Variants in CFAP221 observed in about 807,000 individuals in gnomAD.
The protein encoded by CFAP221 is cilia and flagella associated protein 221.
In CFAP221, 97 loss-of-function variants were observed where a neutral mutation model predicts 113.1. That is an observed-to-expected ratio of 0.86 (90% CI 0.73 to 1.02). The LOEUF is 1.02. Among genes scored for constraint, CFAP221 ranks in the 50% least tolerant of loss-of-function variants. The pLI is 0.00. For synonymous variants in CFAP221, 331 were observed against 354.4 expected (o/e 0.93, Z 0.74); for missense variants, 1,025 against 1,013.4 (o/e 1.01, Z -0.16).
chr2:119,568,543 A>C (rs912717826), intron 6 of CFAP221, among the ~76,000 whole-genome samples: 1 of 151,068 alleles, frequency 6.6e-6, no homozygotes, highest in Non-Finnish European at 1.5e-5. Context: ...CCCTGTGTCC[A>C]TGTGTTTTCA....
downstream of CFAP221, chr2:119,660,286 A>G (rs1453722578): frequency 6.6e-6 from 1 of 152,238 alleles, no homozygotes; most frequent in East Asian, 1.9e-4. Context: ...ACCCGTTTCC[A>G]CCAAATCGAC....
intron 6 of CFAP221, 56 bp downstream of exon 6, chr2:119,562,170 C>A: frequency 9.0e-7 from 1 of 1,113,956 alleles, no homozygotes; most frequent in South Asian, 1.4e-5. Context: ...AAGAGATACT[C>A]ATACAAAACC....
Position 119,601,577 on chromosome 2 carries a change from A to G in CFAP221, c.791+200A>G, listed in dbSNP as rs1299400874. 13 of 486,262 alleles carry G rather than the reference A, an allele frequency of 2.7e-5. No homozygotes were observed. The East Asian group carries it at 4.0e-4, about 15-fold the overall frequency. The allele number at this position is 486,262 out of a possible 1,614,324, so 30.1% of individuals were successfully genotyped here. On this transcript the variant is annotated intron_variant, in intron 8 of 23. Coordinates refer to ENST00000413369, the MANE Select transcript of CFAP221 (RefSeq NM_001271049.2). ...CTAGTAGCAAGAGTTGCTTCTGACA[A>G]GAAGGGAAGAAACAAGAAAAAGGGA...
chr2:119,558,067 G>A (rs1680950398), intron 3 of CFAP221, among the ~76,000 whole-genome samples: 2 of 151,750 alleles, frequency 1.3e-5, no homozygotes, highest in Admixed American at 6.6e-5. Context: ...CTTGTTTGTT[G>A]CAGTGTTCTT....
At chr2:119,657,990 T>C (rs1558680228), downstream of CFAP221, among the ~76,000 whole-genome samples, 1 of 152,226 alleles carries the variant, frequency 6.6e-6, no homozygotes, top group Admixed American at 6.5e-5. Context: ...GTTTCTCCAC[T>C]GGGACATTAA....
At chr2:119,641,508 A>G (rs1687487986) in intron 21 of CFAP221, among the ~76,000 whole-genome samples, 2 of 152,154 alleles carry the variant, frequency 1.3e-5, no homozygotes, top group African/African-American at 4.8e-5. Context: ...TCCATTGTAC[A>G]CTGGATGTAT....
intron 16 of CFAP221, among the ~76,000 whole-genome samples, chr2:119,628,565 C>T (rs1427316530): frequency 6.6e-6 from 1 of 152,164 alleles, no homozygotes; most frequent in Non-Finnish European, 1.5e-5. Context: ...TAGCCAGTAA[C>T]AAAATGTTGC....
chr2:119,595,705 C>T (rs1158993419), intron 7 of CFAP221, among the ~76,000 whole-genome samples: 1 of 152,070 alleles, frequency 6.6e-6, no homozygotes, highest in Non-Finnish European at 1.5e-5. Flanking sequence ...TCGGGGGAGA[C>T]AGGCAGGCCT....
intron 21 of CFAP221, among the ~76,000 whole-genome samples, chr2:119,644,340 G>C (rs1284802093): frequency 6.6e-6 from 1 of 152,088 alleles, no homozygotes; most frequent in Non-Finnish European, 1.5e-5. Flanking sequence ...AAAGCTCTTG[G>C]TTGCTGCCAT....
chr2:119,643,494 G>A (rs2104797822), intron 21 of CFAP221, among the ~76,000 whole-genome samples: 1 of 152,268 alleles, frequency 6.6e-6, no homozygotes, highest in African/African-American at 2.4e-5. Flanking sequence ...GAAGAACTTT[G>A]GGAACTGTCT....
chr2:119,608,582 A>C lies in CFAP221; in HGVS notation c.1214A>C (p.Lys405Thr). 6.2e-7 allele frequency: 1 copy of C among 1,611,082 alleles called. No homozygotes were observed. The highest frequency in any genetic ancestry group is 1.7e-4 in the Middle Eastern group (1 of 6,050). ...LTEEWQKACA[K>T]YKLDRGDPIL... ...GAAGAGTGGCAAAAAGCATGTGCCA[A>C]ATATAAGGTCAGAGTTACTGCTAAT... is the stretch of plus-strand genomic sequence containing the variant. Residue 405 changes from lysine to threonine, a missense_variant, in exon 12 of 24, where the codon AAA becomes ACA. Coordinates refer to ENST00000413369, the MANE Select transcript of CFAP221 (RefSeq NM_001271049.2).
intron 14 of CFAP221, among the ~76,000 whole-genome samples, chr2:119,624,081 C>A (rs996839848): frequency 1.3e-5 from 2 of 152,142 alleles, no homozygotes; most frequent in South Asian, 2.1e-4. Context: ...AGTGAACAGG[C>A]AACCTATAGA....
At chr2:119,563,540 C>G (rs1172848524) in intron 6 of CFAP221, among the ~76,000 whole-genome samples, 2 of 152,092 alleles carry the variant, frequency 1.3e-5, no homozygotes, top group Non-Finnish European at 2.9e-5. Flanking sequence ...CTCTCCCCTG[C>G]CCCCACCTGC....
rs531471257 is a variant in CFAP221, at chr2:119,561,499, A to T, written c.427-515A>T. 2.6e-5 allele frequency among the ~76,000 whole-genome samples: 4 copies of T among 152,294 alleles called. No homozygotes were observed. In the South Asian group the frequency reaches 8.3e-4, roughly 32 times the overall value. ...CCATCATCTGCTTTAATTCTTAAAAATGCCTTTAAGGAAAAATATGATTAT... is the reference window on the plus strand; with the variant it reads ...CCATCATCTGCTTTAATTCTTAAAATTGCCTTTAAGGAAAAATATGATTAT... On this transcript the variant is annotated intron_variant, in intron 5 of 23. Transcript: ENST00000413369.
At chr2:119,596,191 T>TC (rs1172705865) in intron 7 of CFAP221, among the ~76,000 whole-genome samples, 2 of 152,036 alleles carry the variant, frequency 1.3e-5, no homozygotes, top group African/African-American at 4.8e-5. Flanking sequence ...GGCACAGGCC[T>TC]CCCCCTCAGG....
intron 6 of CFAP221, among the ~76,000 whole-genome samples, chr2:119,583,677 C>T (rs963382303): frequency 2.0e-5 from 3 of 152,120 alleles, no homozygotes; most frequent in Admixed American, 1.3e-4. Context: ...GTTTGTTTCC[C>T]CCTCAAAATG....
Position 119,549,095 on chromosome 2 carries a change from A to AAAACTTGTG in CFAP221, c.153_161dup (p.Lys51_Val53dup). ...ACATTGTTTTTATAGAGGTTTATGC[A>AAAACTTGTG]AAACTTGTGAATAATAAGGTCATAC... is the stretch of plus-strand genomic sequence containing the variant. On this transcript the variant is annotated inframe_insertion, in exon 3 of 24. Coordinates refer to ENST00000413369, the MANE Select transcript of CFAP221 (RefSeq NM_001271049.2). The AAAACTTGTG allele has an allele frequency of 6.5e-7, 1 of 1,527,700 alleles. No individual in the cohort carries two copies. Among genetic ancestry groups the AAAACTTGTG allele is most frequent in the African/African-American group, 1.4e-5 (1 of 72,604 alleles). The allele number at this position is 1,527,700 out of a possible 1,614,324, so 94.6% of individuals were successfully genotyped here.
chr2:119,631,077 T>G, intron 19 of CFAP221, 176 bp downstream of exon 19: 18 of 1,313,708 alleles, frequency 1.4e-5, no homozygotes, highest in Non-Finnish European at 1.7e-5. Context: ...TATCAGTGAT[T>G]CCGTCTTTTA....
At position 119,638,350 on chromosome 2, in the gene CFAP221, A is replaced by G. The variant is rs1687243621; in HGVS notation, c.2066A>G (p.Lys689Arg). ...CATCTATGCTCTCACCCCAAGTACA[A>G]ATTCACCAAAGAGTCCCGCCACGGG... ...DYHLCSHPKY[K>R]FTKESRHGSS... The change falls in exon 20 of 24, where the codon AAA becomes AGA. Residue 689 changes from lysine (K) to arginine (R), a missense_variant. Physicochemically the swap from Lys to Arg is conservative, Grantham distance 26. Coordinates refer to ENST00000413369, the MANE Select transcript of CFAP221 (RefSeq NM_001271049.2). 6.2e-7 allele frequency: 1 copy of G among 1,614,026 alleles called. No individual in the cohort carries two copies. Among genetic ancestry groups the G allele is most frequent in the Admixed American group, 1.7e-5 (1 of 59,994 alleles).
Sources: allele counts gnomAD v4.1 joint callset (sites outside exome capture counted in the v4.1 genomes callset), GRCh38; gene constraint gnomAD v4.1.1; transcripts MANE v1.5; gene names NCBI Gene and HGNC (gene_info 2026-07-23, HGNC 2026-07-21).